LAMC2: variants seen among roughly 807,000 people sequenced by gnomAD.
LAMC2 encodes the protein laminin subunit gamma-2.
In LAMC2, 97 loss-of-function variants were observed where a neutral mutation model predicts 140.2. That is an observed-to-expected ratio of 0.69 (90% CI 0.59 to 0.82). LAMC2 has a LOEUF of 0.82. LAMC2 is among the 40% of genes least tolerant of loss of function. The pLI is 0.00. For synonymous variants in LAMC2, 513 were observed against 540.2 expected, an observed-to-expected ratio of 0.95 and a Z score of 0.70; for missense variants, 1,402 against 1,476.1, an observed-to-expected ratio of 0.95 and a Z score of 0.82.
rs1029122495 is a variant in LAMC2, at chr1:183,228,121, G to GAGCA, written c.1469-250_1469-249insAAGC. Among the ~76,000 whole-genome samples the GAGCA allele has an allele frequency of 1.3e-5, 2 of 152,228 alleles. No individual in the cohort carries two copies. The highest frequency in any genetic ancestry group is 2.9e-5 in the Non-Finnish European group (2 of 68,038). On this transcript the variant is annotated intron_variant, in intron 10 of 22. Transcript: ENST00000264144. This position sits in a 1 kb window ranked among gnomAD's most constrained non-coding sequence, Gnocchi z 4.3. ...TGCTCAAAACCTTACTACTTCTGTG[G>GAGCA]AGCTGCCTGCTTTTTCCCAGCCAGC...
At position 183,232,291 on chromosome 1, in the gene LAMC2, G is replaced by A. The variant is rs2102239234; in HGVS notation, c.1962G>A (p.Gln654=). The part of the protein sequence containing the change: ...VPDTELEGRM[Q]QAEQALQDIL... ...ATACAGAGCTGGAAGGCAGGATGCA[G>A]CAGGCTGAGCAGGCCCTTCAGGACA... The change falls in exon 13 of 23, where the codon CAG becomes CAA. Residue 654 remains glutamine, a synonymous_variant. Transcript: ENST00000264144. 1.2e-6 allele frequency: 2 copies of A among 1,614,102 alleles called. No individual in the cohort carries two copies. Among genetic ancestry groups the A allele is most frequent in the Non-Finnish European group, 1.7e-6 (2 of 1,180,040 alleles).
At chr1:183,189,365 G>T (rs1276862157) in intron 1 of LAMC2, among the ~76,000 whole-genome samples, 1 of 152,118 alleles carries the variant, frequency 6.6e-6, no homozygotes, top group Non-Finnish European at 1.5e-5. Flanking sequence ...TGAGGTGGGT[G>T]GATCACTTGA....
chr1:183,213,561 G>A (rs993942878), intron 2 of LAMC2, among the ~76,000 whole-genome samples: 1 of 152,060 alleles, frequency 6.6e-6, no homozygotes, highest in Admixed American at 6.6e-5. Flanking sequence ...CAGCACTTTG[G>A]GAGGCTGAGG....
chr1:183,216,522 G>T (rs978885266), intron 3 of LAMC2, among the ~76,000 whole-genome samples: 2 of 151,954 alleles, frequency 1.3e-5, no homozygotes, highest in East Asian at 1.9e-4. Flanking sequence ...CCTGCACTCC[G>T]CAGGGAAGCC....
At chr1:183,217,373 A>G (rs1410615468) in intron 3 of LAMC2, among the ~76,000 whole-genome samples, 2 of 152,154 alleles carry the variant, frequency 1.3e-5, no homozygotes, top group Non-Finnish European at 2.9e-5. Context: ...AAACAAACAA[A>G]CAAACAAACA....
chr1:183,227,652 G>C lies in LAMC2; in HGVS notation c.1423G>C (p.Glu475Gln), dbSNP rs755850398. 4 of 1,614,064 alleles carry C rather than the reference G, an allele frequency of 2.5e-6. No homozygotes were observed. Among genetic ancestry groups the C allele is most frequent in the Non-Finnish European group, 2.5e-6 (3 of 1,180,050 alleles). Residue 475 changes from glutamate to glutamine, a missense_variant, in exon 10 of 23, where the codon GAG (glutamate) becomes CAG (glutamine). Around this residue, in one of 3 missense-constraint regions of LAMC2, gnomAD observed 723 missense variants for 783.3 expected, o/e 0.92. Coordinates refer to ENST00000264144, the MANE Select transcript of LAMC2 (RefSeq NM_005562.3). ...HNGFSCSVMP[E>Q]TEEVVCNNCP... ...CGGGTTCAGCTGCTCAGTGATGCCG[G>C]AGACGGAGGAGGTGGTGTGCAATAA...
chr1:183,211,242 C>A (rs1007540854), intron 2 of LAMC2, among the ~76,000 whole-genome samples: 2 of 152,172 alleles, frequency 1.3e-5, no homozygotes, highest in African/African-American at 2.4e-5. Context: ...GCCCTGATAA[C>A]CTTTTGCAGA....
chr1:183,240,733 TTTTA>T, intron 22 of LAMC2: 1 of 1,177,568 alleles, frequency 8.5e-7, no homozygotes. Context: ...CAGTGGACAG[TTTTA>T]AGCAGAGGAA....
At chr1:183,236,639 G>A (rs375331649) in intron 17 of LAMC2, 35 bp downstream of exon 17, 21 of 1,612,488 alleles carry the variant, frequency 1.3e-5, no homozygotes, top group Non-Finnish European at 1.6e-5. Context: ...TGATATACAG[G>A]AGGGCCATAA....
At chr1:183,213,236 A>G (rs758121513) in intron 2 of LAMC2, among the ~76,000 whole-genome samples, 2 of 152,220 alleles carry the variant, frequency 1.3e-5, no homozygotes, top group African/African-American at 2.4e-5. Flanking sequence ...AAAAAATGTC[A>G]TTTATGCTAT....
downstream of LAMC2, among the ~76,000 whole-genome samples, chr1:183,247,724 A>G (rs1660268175): frequency 6.6e-6 from 1 of 152,206 alleles, no homozygotes; most frequent in African/African-American, 2.4e-5. Context: ...AACCCAATAT[A>G]GGGTGTGTGA....
intron 1 of LAMC2, among the ~76,000 whole-genome samples, chr1:183,189,593 A>C (rs1658261874): frequency 6.6e-6 from 1 of 152,174 alleles, no homozygotes. Context: ...GTAGAAAGCA[A>C]AGCCTTGACC....
At position 183,228,354 on chromosome 1, in the gene LAMC2, G is replaced by A; in HGVS notation, c.1469-20G>A. 1 of 1,614,130 alleles carries A rather than the reference G, an allele frequency of 6.2e-7. No homozygotes were observed. Among genetic ancestry groups the A allele is most frequent in the Non-Finnish European group, 8.5e-7 (1 of 1,180,030 alleles). On this transcript the variant is annotated intron_variant, in intron 10 of 22. Coordinates refer to ENST00000264144, the MANE Select transcript of LAMC2 (RefSeq NM_005562.3). The surrounding 1 kb of genome is among the most constrained non-coding windows in gnomAD (Gnocchi z 4.3). ...TCCTGATGGATGTCGACCTAGGCTT[G>A]GTCATTTGTTCCTTCCCAGGTGCCC... is the stretch of plus-strand genomic sequence containing the variant.
At chr1:183,225,803 C>A in intron 8 of LAMC2, 83 bp downstream of exon 8, 1 of 875,692 alleles carries the variant, frequency 1.1e-6, no homozygotes, top group Non-Finnish European at 1.9e-6. Context: ...CGGCAGTCTC[C>A]AAACAAGTAG....
chr1:183,227,636 C>T lies in LAMC2; in HGVS notation c.1407C>T (p.Ser469=). Residue 469 remains serine (S), a synonymous_variant, in exon 10 of 23, where the codon AGC becomes AGT. Transcript: ENST00000264144. ...CATGTCCCTGTCATAACGGGTTCAG[C>T]TGCTCAGTGATGCCGGAGACGGAGG... The part of the protein sequence containing the change: ...CKPCPCHNGF[S]CSVMPETEEV... 1 of 1,614,228 alleles carries T rather than the reference C, an allele frequency of 6.2e-7. No homozygotes were observed. The highest frequency in any genetic ancestry group is 8.5e-7 in the Non-Finnish European group (1 of 1,180,052).
the LAMC2 span, among the ~76,000 whole-genome samples, chr1:183,257,132 G>A: frequency 6.6e-6 from 1 of 151,070 alleles, no homozygotes; most frequent in Admixed American, 6.6e-5. Flanking sequence ...CCTTCCAGCT[G>A]TATTTCTTTG....
chr1:183,208,187 G>A, intron 2 of LAMC2, 118 bp downstream of exon 2: 1 of 1,011,490 alleles, frequency 9.9e-7, no homozygotes, highest in Non-Finnish European at 1.5e-6. Context: ...AAAGAAAACA[G>A]GGAAAGCAAG....
At chr1:183,257,080 T>C in the LAMC2 span, among the ~76,000 whole-genome samples, 179 of 152,180 alleles carry the variant, frequency 1.2e-3, 1 homozygote, top group Non-Finnish European at 2.4e-3. Context: ...GGCTTAGGTA[T>C]CAAAGGCGAT....
At chr1:183,227,374 G>C (rs1452677172) in intron 9 of LAMC2, 141 bp from the exon 10 acceptor site, 1 of 829,738 alleles carries the variant, frequency 1.2e-6, no homozygotes, top group African/African-American at 1.7e-5. Context: ...CTATGGGAGG[G>C]GTGAATGCCA....
Sources: gnomAD v4.1 joint callset for allele counts (sites outside exome capture counted in the v4.1 genomes callset) on GRCh38, gnomAD v4.1.1 for gene constraint, gnomAD v4.1.1 regional missense constraint, Gnocchi (gnomAD v3.1) non-coding constraint, MANE v1.5 for transcripts, NCBI Gene and HGNC (gene_info 2026-07-23, HGNC 2026-07-21) for gene names.